The following PLCE1 variants were observed in gnomAD, a reference collection of about 807,000 sequenced individuals.
PLCE1 encodes the protein phospholipase C epsilon 1.
PLCE1 carries 119 observed loss-of-function variants against 242.8 expected under a neutral mutation model. That is an observed-to-expected ratio of 0.49 (90% confidence interval 0.42 to 0.57). The LOEUF is 0.57. Ranked by LOEUF, PLCE1 falls within the 20% of genes least tolerant of loss-of-function variation. The probability of loss-of-function intolerance (pLI) is 0.00; values close to 1 mark genes in which losing one functional copy is unlikely to be tolerated. For missense variants in PLCE1, 2,441 were observed against 2,788.8 expected, an observed-to-expected ratio of 0.88 and a Z score of 2.81; for synonymous variants, 945 against 1,017.4, an observed-to-expected ratio of 0.93 and a Z score of 1.35.
At position 94,293,590 on chromosome 10, in the gene PLCE1, C is replaced by T. The variant is rs2052711113; in HGVS notation, c.5118C>T (p.Gly1706=). 3 of 1,613,736 alleles carry T rather than the reference C, an allele frequency of 1.9e-6. No individual in the cohort carries two copies. Among genetic ancestry groups the T allele is most frequent in the African/African-American group, 1.3e-5 (1 of 74,890 alleles). ...SRKSIFGNNP[G]RMSPGETASF... Reference sequence around the variant, plus strand: ...AGTCCATTTTTGGCAACAATCCGGGCAGAATGAGCCCAGGGGAGACAGCAT... The same window carrying T: ...AGTCCATTTTTGGCAACAATCCGGGTAGAATGAGCCCAGGGGAGACAGCAT... Residue 1706 remains glycine, a synonymous_variant, in exon 23 of 33, where the codon GGC becomes GGT. Coordinates refer to ENST00000371380, the MANE Select transcript of PLCE1 (RefSeq NM_016341.4).
intron 29 of PLCE1, among the ~76,000 whole-genome samples, chr10:94,318,366 T>A (rs748753925): frequency 2.6e-5 from 4 of 152,240 alleles, no homozygotes; most frequent in Non-Finnish European, 5.9e-5. Flanking sequence ...GTAAAAAGTA[T>A]GTATCCTCTA....
chr10:94,124,923 A>C (rs2046396152), intron 2 of PLCE1, among the ~76,000 whole-genome samples: 1 of 152,228 alleles, frequency 6.6e-6, no homozygotes, highest in African/African-American at 2.4e-5. Flanking sequence ...AGCTATTCTG[A>C]ATACTTTGTA....
intron 2 of PLCE1, among the ~76,000 whole-genome samples, chr10:94,113,510 C>A (rs904232228): frequency 2.6e-5 from 4 of 152,104 alleles, no homozygotes; most frequent in African/African-American, 9.7e-5. Flanking sequence ...GGCTGGGAGC[C>A]GTAGGTGAGA....
intron 6 of PLCE1, among the ~76,000 whole-genome samples, chr10:94,235,160 C>T (rs2050278372): frequency 1.3e-5 from 2 of 151,830 alleles, no homozygotes; most frequent in South Asian, 4.2e-4. Context: ...TCAGCCTCTT[C>T]TTTGTCACCT....
At chr10:94,163,606 A>C (rs1399483386) in intron 3 of PLCE1, among the ~76,000 whole-genome samples, 2 of 151,938 alleles carry the variant, frequency 1.3e-5, no homozygotes, top group Non-Finnish European at 2.9e-5. Flanking sequence ...TTGACTCTTT[A>C]TCCAATTTGC....
intron 7 of PLCE1, among the ~76,000 whole-genome samples, chr10:94,236,323 T>C (rs1484602510): frequency 1.3e-5 from 2 of 152,230 alleles, no homozygotes; most frequent in South Asian, 4.1e-4. Flanking sequence ...TGTTCTAAAA[T>C]TACTGCTCAT....
intron 4 of PLCE1, among the ~76,000 whole-genome samples, chr10:94,226,784 T>C (rs1347021806): frequency 6.6e-6 from 1 of 150,718 alleles, no homozygotes; most frequent in Non-Finnish European, 1.5e-5. Context: ...CCTTCTTGTT[T>C]TAAAGAAAAT....
At chr10:94,194,259 A>C (rs757232749) in intron 4 of PLCE1, among the ~76,000 whole-genome samples, 1 of 152,242 alleles carries the variant, frequency 6.6e-6, no homozygotes, top group Non-Finnish European at 1.5e-5. Context: ...TTCGTGGGGA[A>C]TTACACAACA....
rs117301362 is a variant in PLCE1 at position 94,085,601 on chromosome 10, A to T, written c.1207-46573A>T. 4.6e-5 allele frequency among the ~76,000 whole-genome samples: 7 copies of T among 152,288 alleles called. No individual in the cohort carries two copies. In the East Asian group the frequency reaches 1.4e-3, roughly 29 times the overall value. ...TGAGGCACCCTGCCTACACCTGATG[A>T]GTTTGTAGAAACATTCCCCAGCGGT... On this transcript the variant is annotated intron_variant, in intron 2 of 32. Transcript: ENST00000371380.
intron 4 of PLCE1, among the ~76,000 whole-genome samples, chr10:94,222,701 T>C (rs747909197): frequency 9.2e-5 from 14 of 152,162 alleles, no homozygotes; most frequent in Non-Finnish European, 1.6e-4. Flanking sequence ...CTTCCCATCC[T>C]GGCTTGTGTG....
chr10:94,322,046 A>G lies in PLCE1; in HGVS notation c.6488A>G (p.Asp2163Gly). Reference sequence around the variant, plus strand: ...GCACCCCGCGTCAGCACTGCACAGGATGTCATTCAGCAGGTAAAAGCCTCT... The same window carrying G: ...GCACCCCGCGTCAGCACTGCACAGGGTGTCATTCAGCAGGTAAAAGCCTCT... ...IKAPRVSTAQ[D>G]VIQQTLCKAK... is the part of the protein sequence containing the mutation. The change falls in exon 30 of 33, where the codon GAT (aspartate) becomes GGT (glycine). Residue 2163 changes from aspartate to glycine, a missense_variant. By Grantham distance (94) the Asp-to-Gly change is moderately conservative. Coordinates refer to ENST00000371380, the MANE Select transcript of PLCE1 (RefSeq NM_016341.4). 1 of 1,614,120 alleles carries G rather than the reference A, an allele frequency of 6.2e-7. No individual in the cohort carries two copies. The highest frequency in any genetic ancestry group is 8.5e-7 in the Non-Finnish European group (1 of 1,179,984).
Position 94,227,297 on chromosome 10 carries a change from G to C in PLCE1, c.1810-9G>C. On this transcript the variant is annotated splice_polypyrimidine_tract_variant and intron_variant, in intron 4 of 32. Coordinates refer to ENST00000371380, the MANE Select transcript of PLCE1 (RefSeq NM_016341.4). Reference sequence around the variant, plus strand: ...ATAATTCCCGTGAATGTCTCTGTGTGTTTTCCAGGTGAGCTCCTGGGTGAC... The same window carrying C: ...ATAATTCCCGTGAATGTCTCTGTGTCTTTTCCAGGTGAGCTCCTGGGTGAC... 6.2e-7 allele frequency: 1 copy of C among 1,613,896 alleles called. No individual in the cohort carries two copies. Among genetic ancestry groups the C allele is most frequent in the South Asian group, 1.1e-5 (1 of 91,084 alleles).
chr10:94,267,879 G>T (rs887894744), intron 16 of PLCE1, among the ~76,000 whole-genome samples: 4 of 152,192 alleles, frequency 2.6e-5, no homozygotes, highest in African/African-American at 7.2e-5. Flanking sequence ...CCATATAAAA[G>T]TGTTAAAATG....
chr10:94,318,778 A>C (rs1034240621), intron 29 of PLCE1, among the ~76,000 whole-genome samples: 1 of 152,154 alleles, frequency 6.6e-6, no homozygotes, highest in African/African-American at 2.4e-5. Flanking sequence ...ATACCACAAC[A>C]AGCTGGGCAC....
chr10:94,128,097 C>T (rs1233114059), intron 2 of PLCE1, among the ~76,000 whole-genome samples: 1 of 150,858 alleles, frequency 6.6e-6, no homozygotes, highest in African/African-American at 2.4e-5. Flanking sequence ...AAGTGATTCT[C>T]GTGCCTCAGC....
chr10:94,073,623 T>C (rs2044422866), intron 2 of PLCE1, among the ~76,000 whole-genome samples: 2 of 152,222 alleles, frequency 1.3e-5, no homozygotes, highest in African/African-American at 4.8e-5. Flanking sequence ...TTTAGGGTTT[T>C]AAGTCAGGAA....
At chr10:94,274,478 GT>G (rs1443808743) in intron 19 of PLCE1, among the ~76,000 whole-genome samples, 3 of 152,148 alleles carry the variant, frequency 2.0e-5, no homozygotes, top group African/African-American at 7.2e-5. Flanking sequence ...CCCTTGAAGT[GT>G]TTGTGTCCTC....
chr10:94,276,473 A>G (rs7072099), intron 19 of PLCE1, among the ~76,000 whole-genome samples: 41,722 of 152,106 alleles, frequency 0.27, 5,802 homozygotes, highest in Middle Eastern at 0.38. Flanking sequence ...CTGACTGACT[A>G]AGTCAGAATT....
At chr10:94,122,161 C>T (rs947565140) in intron 2 of PLCE1, among the ~76,000 whole-genome samples, 13 of 152,192 alleles carry the variant, frequency 8.5e-5, no homozygotes, top group Admixed American at 6.5e-4. Flanking sequence ...CCTTGATCCT[C>T]TGAGCCAGGG....
Sources: gnomAD v4.1 joint callset for allele counts (sites outside exome capture counted in the v4.1 genomes callset) on GRCh38, gnomAD v4.1.1 for gene constraint, MANE v1.5 for transcripts, NCBI Gene and HGNC (gene_info 2026-07-23, HGNC 2026-07-21) for gene names.